The following ZFPM1 variants were observed in gnomAD, a reference collection of about 807,000 sequenced individuals.
ZFPM1 encodes the protein zinc finger protein ZFPM1.
In ZFPM1, 28 loss-of-function variants were observed where a neutral mutation model predicts 46.3. The observed-to-expected ratio is 0.60, with a 90% CI of 0.45 to 0.83. ZFPM1 has a LOEUF of 0.83. Among genes scored for constraint, ZFPM1 ranks in the 40% least tolerant of loss-of-function variants. ZFPM1 has a pLI of 0.00. For synonymous variants in ZFPM1, 957 were observed against 675.9 expected (o/e 1.42, Z -6.45); for missense variants, 1,878 against 1,432.4 (o/e 1.31, Z -5.02).
At chr16:88,485,886 AGGAGCTGTCCCCCCAGAGCTCCT>A in intron 1 of ZFPM1, 30 bp from the exon 2 acceptor site, 1 of 1,567,170 alleles carries the variant, frequency 6.4e-7, no homozygotes, top group Non-Finnish European at 8.8e-7. Context: ...GTCAGGAGGC[AGGAGCTGTCCCCCCAGAGCTCCT>A]CCCGAACCCC....
intron 4 of ZFPM1, among the ~76,000 whole-genome samples, chr16:88,524,896 C>T (rs1049838199): frequency 2.6e-4 from 39 of 152,296 alleles, no homozygotes; most frequent in Admixed American, 1.7e-3. Context: ...CTGCTGGGGA[C>T]GGCTTCACAC....
intron 1 of ZFPM1, among the ~76,000 whole-genome samples, chr16:88,470,595 G>C (rs1355694998): frequency 4.3e-5 from 1 of 23,116 alleles, no homozygotes; most frequent in Non-Finnish European, 8.7e-5. Context: ...GGAGGGCCGG[G>C]TGGTGACGCT....
At chr16:88,528,263 A>C (rs1385913434) in intron 6 of ZFPM1, 25 bp downstream of exon 6, 4 of 1,564,010 alleles carry the variant, frequency 2.6e-6, no homozygotes, top group Non-Finnish European at 3.5e-6. Flanking sequence ...CTCCGCACCC[A>C]GGGCGGCTGC....
intron 2 of ZFPM1, among the ~76,000 whole-genome samples, chr16:88,488,155 CG>C (rs1398038218): frequency 1.6e-4 from 24 of 152,230 alleles, no homozygotes; most frequent in African/African-American, 5.5e-4. Flanking sequence ...TAGTGCCGCA[CG>C]CAGGTGCCGC....
intron 3 of ZFPM1, among the ~76,000 whole-genome samples, chr16:88,508,720 G>T (rs12933752): frequency 6.6e-6 from 1 of 152,184 alleles, no homozygotes; most frequent in South Asian, 2.1e-4. Context: ...GTCACGGGGT[G>T]GGGGAGGAGC....
Position 88,471,804 on chromosome 16 carries a change from G to C in ZFPM1, c.41-14135G>C, listed in dbSNP as rs79495053. Among the ~76,000 whole-genome samples the C allele has an allele frequency of 0.027, 4,120 of 152,394 alleles. 187 individuals carry two copies. Among genetic ancestry groups the C allele is most frequent in the African/African-American group, 0.094 (3,914 of 41,596 alleles). On this transcript the variant is annotated intron_variant, in intron 1 of 9. Coordinates refer to ENST00000319555, the MANE Select transcript of ZFPM1 (RefSeq NM_153813.3). The surrounding 1 kb of genome is among the most constrained non-coding windows in gnomAD (Gnocchi z 4.1). ...CCTGTGACTAAGACTAAGGCTGTGT[G>C]TCCATCTCTGTGAAATCGGGGCGAG...
At chr16:88,459,436 AT>A (rs1215019133) in intron 1 of ZFPM1, among the ~76,000 whole-genome samples, 4 of 152,156 alleles carry the variant, frequency 2.6e-5, no homozygotes, top group African/African-American at 9.7e-5. Context: ...GAGCGTAATG[AT>A]AGTACCTGCC....
intron 3 of ZFPM1, among the ~76,000 whole-genome samples, chr16:88,509,869 C>T (rs574677534): frequency 6.6e-6 from 1 of 152,278 alleles, no homozygotes; most frequent in Admixed American, 6.5e-5. Flanking sequence ...GGCTTGCTGC[C>T]ACACGCGCGT....
intron 4 of ZFPM1, among the ~76,000 whole-genome samples, chr16:88,524,908 G>A (rs1912192658): frequency 6.6e-6 from 1 of 152,122 alleles, no homozygotes; most frequent in South Asian, 2.1e-4. Flanking sequence ...GCTTCACACT[G>A]GGACTGCAGG....
At chr16:88,455,799 G>A (rs2142333350) in intron 1 of ZFPM1, among the ~76,000 whole-genome samples, 1 of 152,286 alleles carries the variant, frequency 6.6e-6, no homozygotes, top group East Asian at 1.9e-4. Flanking sequence ...AGGGCGAGGC[G>A]GGAGCGCGGC....
intron 4 of ZFPM1, chr16:88,521,877 T>TC (rs1306311273): frequency 2.6e-5 from 4 of 153,036 alleles, no homozygotes; most frequent in Non-Finnish European, 5.8e-5. Context: ...CTCTGTTTCC[T>TC]CCCCCGTGCT....
rs762498769 is a variant in ZFPM1 at position 88,526,817 on chromosome 16, C to A, written c.406C>A (p.Pro136Thr). 20 of 1,551,080 alleles carry A rather than the reference C, an allele frequency of 1.3e-5. No homozygotes were observed. Among genetic ancestry groups the A allele is most frequent in the Non-Finnish European group, 1.7e-5 (20 of 1,147,002 alleles). Reference sequence around the variant, plus strand: ...TGTTCCTACCCTCCCCCCCCAGAGCCCAGCCCTGACCCTGCTGCTGGTGGA... The same window carrying A: ...TGTTCCTACCCTCCCCCCCCAGAGCACAGCCCTGACCCTGCTGCTGGTGGA... Reference protein sequence around the residue: ...ASSPRQAEPSPALTLLLVDEA... With the variant: ...ASSPRQAEPSTALTLLLVDEA... Residue 136 changes from proline to threonine, a missense_variant, in exon 5 of 10, where the codon CCA becomes ACA. Coordinates refer to ENST00000319555, the MANE Select transcript of ZFPM1 (RefSeq NM_153813.3).
rs1196102906 is a variant in ZFPM1, at chr16:88,471,792, C to G, written c.41-14147C>G. Among the ~76,000 whole-genome samples the G allele has an allele frequency of 6.6e-6, 1 of 152,272 alleles. No homozygotes were observed. Among genetic ancestry groups the G allele is most frequent in the African/African-American group, 2.4e-5 (1 of 41,478 alleles). ...CAGACACCTGAGCCTGTGACTAAGACTAAGGCTGTGTGTCCATCTCTGTGA... is the reference window on the plus strand; with the variant it reads ...CAGACACCTGAGCCTGTGACTAAGAGTAAGGCTGTGTGTCCATCTCTGTGA... On this transcript the variant is annotated intron_variant, in intron 1 of 9. Coordinates refer to ENST00000319555, the MANE Select transcript of ZFPM1 (RefSeq NM_153813.3). The surrounding 1 kb of genome is among the most constrained non-coding windows in gnomAD (Gnocchi z 4.1).
intron 4 of ZFPM1, among the ~76,000 whole-genome samples, chr16:88,525,212 G>C (rs1451914513): frequency 2.0e-5 from 3 of 152,234 alleles, no homozygotes; most frequent in Non-Finnish European, 4.4e-5. Flanking sequence ...GGCCGAGCCT[G>C]GCTGGGACCC....
chr16:88,506,033 G>A (rs899814746), intron 3 of ZFPM1, among the ~76,000 whole-genome samples: 1 of 152,264 alleles, frequency 6.6e-6, no homozygotes, highest in African/African-American at 2.4e-5. Context: ...CCTGGGGTGA[G>A]AAGAAAACCC....
At chr16:88,532,383 G>T in intron 7 of ZFPM1, 148 bp downstream of exon 7, 1 of 959,386 alleles carries the variant, frequency 1.0e-6, no homozygotes, top group Non-Finnish European at 1.5e-6. Context: ...CCCCCGCAGG[G>T]GCCCAGAGCA....
chr16:88,502,064 CCATTTATTT>C (rs1283118599), intron 3 of ZFPM1, among the ~76,000 whole-genome samples: 491 of 127,342 alleles, frequency 3.9e-3, no homozygotes, highest in East Asian at 0.012. Flanking sequence ...CCGCCCCCCC[CCATTTATTT>C]ATTTATTTAT....
intron 3 of ZFPM1, among the ~76,000 whole-genome samples, chr16:88,509,178 G>A (rs117299229): frequency 0.011 from 1,700 of 152,356 alleles, 14 homozygotes; most frequent in Non-Finnish European, 0.02. Context: ...CCAGAACCCC[G>A]TCAGCCTGGG....
At chr16:88,479,914 A>AC (rs1160103590) in intron 1 of ZFPM1, among the ~76,000 whole-genome samples, 2 of 117,216 alleles carry the variant, frequency 1.7e-5, no homozygotes, top group Admixed American at 9.4e-5. Flanking sequence ...ACCCACTCAC[A>AC]CCCCCCGCCG....
Sources: gnomAD v4.1 joint callset for allele counts (sites outside exome capture counted in the v4.1 genomes callset) on GRCh38, gnomAD v4.1.1 for gene constraint, Gnocchi (gnomAD v3.1) non-coding constraint, MANE v1.5 for transcripts, NCBI Gene and HGNC (gene_info 2026-07-23, HGNC 2026-07-21) for gene names.